The following KATNA1 variants were observed in gnomAD, a reference collection of about 807,000 sequenced individuals.
The protein encoded by KATNA1 is katanin p60 ATPase-containing subunit A1.
KATNA1 carries 42 observed loss-of-function variants against 62.6 expected under a neutral mutation model. That is an observed-to-expected ratio of 0.67 (90% CI 0.52 to 0.87). KATNA1 has a LOEUF of 0.87. Among genes scored for constraint, KATNA1 ranks in the 40% least tolerant of loss-of-function variants. KATNA1 has a pLI of 0.00. For synonymous variants in KATNA1, 186 were observed against 201.9 expected (o/e 0.92, Z 0.67); for missense variants, 498 against 612.5 (o/e 0.81, Z 1.97).
chr6:149,597,032 C>T (rs1271792385), intron 10 of KATNA1, 31 bp downstream of exon 10: 1 of 1,606,536 alleles, frequency 6.2e-7, no homozygotes, highest in Non-Finnish European at 8.5e-7. Context: ...TTTATGCTTA[C>T]AAAAACCTAT....
At chr6:149,635,149 G>A (rs955711957) in intron 2 of KATNA1, among the ~76,000 whole-genome samples, 3 of 151,934 alleles carry the variant, frequency 2.0e-5, no homozygotes, top group Non-Finnish European at 4.4e-5. Context: ...ATGTTGGTTT[G>A]TGCCTGTGGC....
At chr6:149,631,564 C>CAAAAAAAAAAAAAAAAA (rs11436870) in intron 3 of KATNA1, 1 of 140,434 alleles carries the variant, frequency 7.1e-6, no homozygotes, top group African/African-American at 2.6e-5. Flanking sequence ...ACAAAAAAAA[C>CAAAAAAAAAAAAAAAAA]AAAAAAAAAA....
In KATNA1 at chr6:149,597,126, T is replaced by G. The variant is rs778027761; in HGVS notation, c.1214A>C (p.Asp405Ala). 6.2e-7 allele frequency: 1 copy of G among 1,614,152 alleles called. No individual in the cohort carries two copies. ...CATGTTTTCTGCTATACTTGCAAGG[T>G]CAACATCATCAGCCAATTCCAACTC... is the stretch of plus-strand genomic sequence containing the variant. ...LRELELADDV[D>A]LASIAENMEG... The change falls in exon 10 of 11, where the codon GAC becomes GCC. Residue 405 changes from aspartate to alanine, a missense_variant. Transcript: ENST00000367411.
At chr6:149,614,114 T>C (rs1779072843) in intron 4 of KATNA1, among the ~76,000 whole-genome samples, 1 of 152,146 alleles carries the variant, frequency 6.6e-6, no homozygotes, top group African/African-American at 2.4e-5. Context: ...CAGCACAAAA[T>C]GGAATAAACA....
chr6:149,609,180 A>T (rs977567452), intron 4 of KATNA1, among the ~76,000 whole-genome samples: 2 of 152,182 alleles, frequency 1.3e-5, no homozygotes, highest in South Asian at 4.1e-4. Flanking sequence ...AGCCTCAGAA[A>T]CAAATAGAAC....
chr6:149,619,872 A>G (rs1349703187), intron 4 of KATNA1, among the ~76,000 whole-genome samples: 1 of 152,166 alleles, frequency 6.6e-6, no homozygotes, highest in African/African-American at 2.4e-5. Flanking sequence ...CCGCCATACT[A>G]TTATAAACAC....
intron 3 of KATNA1, chr6:149,631,597 G>A: frequency 6.8e-6 from 1 of 147,354 alleles, no homozygotes; most frequent in African/African-American, 2.5e-5. Context: ...CAAGTAATCA[G>A]AGTTGCAATG....
chr6:149,633,813 G>A lies in KATNA1; in HGVS notation c.163-897C>T, dbSNP rs80266526. 3.6e-3 allele frequency among the ~76,000 whole-genome samples: 553 copies of A among 151,742 alleles called. 3 individuals carry two copies. Among genetic ancestry groups the A allele is most frequent in the African/African-American group, 0.013 (525 of 41,346 alleles). ...ATATTCTTATTTAAATTGCATAGCC[G>A]GGTGTGGTGGCACATGCACGTAATC... On this transcript the variant is annotated intron_variant, in intron 2 of 10. Coordinates refer to ENST00000367411, the MANE Select transcript of KATNA1 (RefSeq NM_007044.4).
At chr6:149,622,521 T>C (rs557310176) in intron 4 of KATNA1, among the ~76,000 whole-genome samples, 1 of 152,206 alleles carries the variant, frequency 6.6e-6, no homozygotes, top group East Asian at 1.9e-4. Context: ...GTAAAGTATA[T>C]ATGGAAGTTC....
At chr6:149,645,869 G>C (rs760476147) in intron 1 of KATNA1, among the ~76,000 whole-genome samples, 4 of 151,802 alleles carry the variant, frequency 2.6e-5, no homozygotes, top group African/African-American at 4.8e-5. Context: ...TCTCTCCACA[G>C]AGAAAGTTTT....
chr6:149,647,353 C>A (rs1780526555), intron 1 of KATNA1, among the ~76,000 whole-genome samples: 2 of 151,856 alleles, frequency 1.3e-5, no homozygotes, highest in Non-Finnish European at 2.9e-5. Context: ...GAAACCCCAT[C>A]TCTACTAAAA....
At chr6:149,617,987 TAA>T (rs1491555067) in intron 4 of KATNA1, among the ~76,000 whole-genome samples, 15 of 125,534 alleles carry the variant, frequency 1.2e-4, no homozygotes, top group East Asian at 2.6e-4. Context: ...AATAAATAAA[TAA>T]ATATATATAT....
chr6:149,608,685 T>C (rs185037594), intron 4 of KATNA1, among the ~76,000 whole-genome samples: 1 of 152,268 alleles, frequency 6.6e-6, no homozygotes, highest in Admixed American at 6.5e-5. Flanking sequence ...CAAGAGCCCC[T>C]GCATGTTCTC....
In KATNA1 at chr6:149,623,201, T is replaced by C; in HGVS notation, c.403A>G (p.Arg135Gly). 6.2e-7 allele frequency: 1 copy of C among 1,613,834 alleles called. No homozygotes were observed. Among genetic ancestry groups the C allele is most frequent in the Non-Finnish European group, 8.5e-7 (1 of 1,179,828 alleles). Residue 135 changes from arginine (R) to glycine (G), a missense_variant, in exon 4 of 11, where the codon AGA (arginine) becomes GGA (glycine). By Grantham distance (125) the Arg-to-Gly change is moderately radical (BLOSUM62 -2). Around this residue, in one of 3 missense-constraint regions of KATNA1, gnomAD observed 203 missense variants for 198.4 expected, o/e 1.02. Transcript: ENST00000367411. ...TTCTGTGCAGATGAACGGTGAACTC[T>C]GACAGTTGTACTTGGACGATTACCA... ...SHGNRPSTTV[R>G]VHRSSAQNVH...
chr6:149,629,708 T>C (rs1252373492), intron 3 of KATNA1, among the ~76,000 whole-genome samples: 1 of 152,150 alleles, frequency 6.6e-6, no homozygotes, highest in Non-Finnish European at 1.5e-5. Context: ...GCAACTTTAT[T>C]TATAATAATG....
intron 4 of KATNA1, among the ~76,000 whole-genome samples, chr6:149,610,851 G>A (rs917117909): frequency 2.6e-5 from 4 of 152,080 alleles, no homozygotes; most frequent in South Asian, 2.1e-4. Context: ...GTGAGACTCC[G>A]CAGCAGGTGG....
intron 1 of KATNA1, among the ~76,000 whole-genome samples, chr6:149,640,405 C>T (rs1780232845): frequency 6.6e-6 from 1 of 151,696 alleles, no homozygotes; most frequent in Non-Finnish European, 1.5e-5. Context: ...CTGCAGTAAG[C>T]CGAGATAGTG....
chr6:149,640,459 G>A (rs1780235739), intron 1 of KATNA1, among the ~76,000 whole-genome samples: 1 of 152,014 alleles, frequency 6.6e-6, no homozygotes, highest in South Asian at 2.1e-4. Context: ...GTGAGACTGT[G>A]TCTCAAGAAA....
At chr6:149,631,973 A>C (rs9689599) in intron 3 of KATNA1, among the ~76,000 whole-genome samples, 70,199 of 151,994 alleles carry the variant, frequency 0.46, 17,525 homozygotes, top group East Asian at 0.81. Flanking sequence ...TTAAAAAGCC[A>C]ATTTTTTCAA....
Sources: gnomAD v4.1 joint callset for allele counts (sites outside exome capture counted in the v4.1 genomes callset) on GRCh38, gnomAD v4.1.1 for gene constraint, gnomAD v4.1.1 regional missense constraint, MANE v1.5 for transcripts, NCBI Gene and HGNC (gene_info 2026-07-23, HGNC 2026-07-21) for gene names.